Variants in SCN9A observed in about 807,000 individuals in gnomAD.
SCN9A encodes sodium voltage-gated channel alpha subunit 9, also known as sodium channel protein type 9 subunit alpha.
A neutral mutation model predicts 187.0 loss-of-function variants in SCN9A; 131 were observed. The ratio of observed to expected loss-of-function variants is 0.70; its 90% CI spans 0.61 to 0.81. SCN9A has a LOEUF of 0.81. SCN9A is among the 30% of genes least tolerant of loss of function. The pLI, the probability that SCN9A is intolerant of heterozygous loss-of-function variation, is 0.00. For missense variants in SCN9A, 2,252 were observed against 2,396.6 expected (o/e 0.94, Z 1.26); for synonymous variants, 809 against 808.6 (o/e 1.00, Z -0.01).
chr2:166,249,301 C>A (rs956116281), intron 18 of SCN9A: 1 of 152,110 alleles, frequency 6.6e-6, no homozygotes. Flanking sequence ...CCTGCTACAT[C>A]TTGATATGTT....
chr2:166,315,748 A>G (rs1201767159), intron 1 of SCN9A, among the ~76,000 whole-genome samples: 4 of 152,208 alleles, frequency 2.6e-5, no homozygotes, highest in Non-Finnish European at 5.9e-5. Context: ...AGAGGGCAAC[A>G]TAAGTAAAAA....
At chr2:166,369,012 T>C (rs1700488289) in intron 1 of SCN9A, among the ~76,000 whole-genome samples, 1 of 152,020 alleles carries the variant, frequency 6.6e-6, no homozygotes, top group South Asian at 2.1e-4. Context: ...GAATGCATTT[T>C]GATTATAATA....
At chr2:166,219,009 C>G (rs1162409490) in intron 24 of SCN9A, among the ~76,000 whole-genome samples, 1 of 152,104 alleles carries the variant, frequency 6.6e-6, no homozygotes, top group Non-Finnish European at 1.5e-5. Context: ...ATCAAAACCA[C>G]AATGAGATAC....
intron 10 of SCN9A, among the ~76,000 whole-genome samples, chr2:166,288,069 A>T (rs184464253): frequency 1.0e-3 from 146 of 144,430 alleles, no homozygotes; most frequent in Non-Finnish European, 1.7e-3. Flanking sequence ...ATAATAATTT[A>T]AAAAAACACA....
chr2:166,312,392 A>G (rs1698988521), intron 1 of SCN9A, among the ~76,000 whole-genome samples: 2 of 152,134 alleles, frequency 1.3e-5, no homozygotes, highest in Admixed American at 1.3e-4. Context: ...CTTAATTCTA[A>G]TTCTCTTGCT....
chr2:166,315,883 TAGTC>T (rs1189138141), intron 1 of SCN9A, among the ~76,000 whole-genome samples: 1 of 152,218 alleles, frequency 6.6e-6, no homozygotes, highest in Non-Finnish European at 1.5e-5. Flanking sequence ...GAGTTTTCAT[TAGTC>T]AGGCATTTAG....
chr2:166,366,762 A>G (rs1700426963), intron 1 of SCN9A, among the ~76,000 whole-genome samples: 1 of 152,180 alleles, frequency 6.6e-6, no homozygotes, highest in Non-Finnish European at 1.5e-5. Flanking sequence ...CCAATCCACA[A>G]ATCACTAAAA....
At chr2:166,251,973 T>C (rs1278631096) in intron 17 of SCN9A, 88 bp from the exon 18 acceptor site, 1 of 1,435,780 alleles carries the variant, frequency 7.0e-7, no homozygotes, top group Non-Finnish European at 9.6e-7. Context: ...ATCAGACTCA[T>C]GCAAAGTATT....
chr2:166,293,145 TAAAA>T (rs1224217100), intron 9 of SCN9A, 82 bp downstream of exon 9: 2 of 1,253,392 alleles, frequency 1.6e-6, no homozygotes. Flanking sequence ...CTCAAATAAA[TAAAA>T]AACCTCCTAA....
intron 1 of SCN9A, among the ~76,000 whole-genome samples, chr2:166,357,345 T>C (rs752191138): frequency 9.9e-5 from 15 of 152,220 alleles, no homozygotes; most frequent in Non-Finnish European, 2.1e-4. Context: ...TTACCTAGTG[T>C]AACGCCTACA....
intron 24 of SCN9A, among the ~76,000 whole-genome samples, chr2:166,213,038 TATCTC>T (rs1481601589): frequency 1.3e-5 from 2 of 151,900 alleles, no homozygotes; most frequent in African/African-American, 2.4e-5. Context: ...TAAAAAGAAA[TATCTC>T]ATATAAACAA....
At chr2:166,340,644 A>G (rs1242440071) in intron 1 of SCN9A, among the ~76,000 whole-genome samples, 1 of 113,450 alleles carries the variant, frequency 8.8e-6, no homozygotes, top group Non-Finnish European at 1.9e-5. Context: ...CTTTTTTGAT[A>G]GTGTATTTCT....
At chr2:166,282,535 A>C (rs1214562297) in intron 12 of SCN9A, among the ~76,000 whole-genome samples, 2 of 152,154 alleles carry the variant, frequency 1.3e-5, no homozygotes, top group Non-Finnish European at 2.9e-5. Flanking sequence ...TTCAAATTTA[A>C]AACACTATGT....
Position 166,214,577 on chromosome 2 carries a change from C to T in SCN9A, c.4399-10113G>A, listed in dbSNP as rs1020976024. Among the ~76,000 whole-genome samples the T allele has an allele frequency of 1.9e-3, 224 of 115,850 alleles. 1 individual carries two copies. The highest frequency in any genetic ancestry group is 7.7e-3 in the African/African-American group (216 of 27,964). The allele number at this position is 115,850 out of a possible 152,430, so 76.0% of individuals were successfully genotyped here. ...TCGCCCAGGCTGGAGTGCAGTGGCG[C>T]AATCTCGGCTCACTGCAAGCTCCGC... On this transcript the variant is annotated intron_variant, in intron 24 of 26. Coordinates refer to ENST00000642356, the MANE Select transcript of SCN9A (RefSeq NM_001365536.1).
rs1289254756 is a variant in SCN9A, at chr2:166,303,215, AAC to A, written c.774_775del (p.Phe259CysfsTer15). Reference sequence around the variant, plus strand: ...GAACAGCTGTAGTCCAATTAGTGCAAACACACTCAGACAGAACACAGTCAGGA... The same window carrying A: ...GAACAGCTGTAGTCCAATTAGTGCAAACACTCAGACAGAACACAGTCAGGA... On this transcript the variant is annotated frameshift_variant, in exon 7 of 27. Transcript: ENST00000642356. LOFTEE classifies it high-confidence loss of function. 1.9e-6 allele frequency: 3 copies of A among 1,613,742 alleles called. No homozygotes were observed. The highest frequency in any genetic ancestry group is 1.3e-5 in the African/African-American group (1 of 75,020).
In SCN9A at chr2:166,228,825, G is replaced by A. The variant is rs1463389142; in HGVS notation, c.4072C>T (p.Arg1358Trp). The A allele has an allele frequency of 6.2e-7, 1 of 1,613,898 alleles. No individual in the cohort carries two copies. Among genetic ancestry groups the A allele is most frequent in the Admixed American group, 1.7e-5 (1 of 60,012 alleles). ...TTTGGAACTTGACTTGCAGGAAACC[G>A]TGACCCATCTGTGGTGTTAATACAC... ...YECINTTDGS[R>W]FPASQVPNRS... Residue 1358 changes from arginine to tryptophan, a missense_variant, in exon 22 of 27, where the codon CGG becomes TGG. This residue lies in a region of SCN9A where 368 missense variants were observed against 408.6 expected (regional missense o/e 0.90). Coordinates refer to ENST00000642356, the MANE Select transcript of SCN9A (RefSeq NM_001365536.1).
chr2:166,333,647 T>A lies in SCN9A; in HGVS notation c.-50-21841A>T, dbSNP rs140492487. Among the ~76,000 whole-genome samples, 631 of 152,122 alleles carry A rather than the reference T, an allele frequency of 4.1e-3. 6 individuals are homozygous for A. The highest frequency in any genetic ancestry group is 0.015 in the African/African-American group (602 of 41,510). The stretch of plus-strand genomic sequence containing the variant: ...TTTCATGACATAACTTGTTTTTTTT[T>A]ATTTTTCAGGATTAGATTGCATATT... On this transcript the variant is annotated intron_variant, in intron 1 of 26. Transcript: ENST00000642356.
In SCN9A at chr2:166,367,956, A is replaced by G. The variant is rs1032451265; in HGVS notation, c.-51+7741T>C. On this transcript the variant is annotated intron_variant, in intron 1 of 26. Coordinates refer to ENST00000642356, the MANE Select transcript of SCN9A (RefSeq NM_001365536.1). ...GTAATTACATGATTTAGTATGTTTG[A>G]TTGCAAATGTAATTTTATTTTAGCT... Among the ~76,000 whole-genome samples, 3 of 152,282 alleles carry G rather than the reference A, an allele frequency of 2.0e-5. No homozygotes were observed. The East Asian group carries it at 5.8e-4, about 29-fold the overall frequency.
intron 1 of SCN9A, among the ~76,000 whole-genome samples, chr2:166,365,026 G>A (rs1178668837): frequency 6.6e-6 from 1 of 151,938 alleles, no homozygotes; most frequent in African/African-American, 2.4e-5. Flanking sequence ...TATTTCATGA[G>A]AAATAATCAT....
Sources: allele counts gnomAD v4.1 joint callset (sites outside exome capture counted in the v4.1 genomes callset), GRCh38; gene constraint gnomAD v4.1.1; regional missense constraint gnomAD v4.1.1; transcripts MANE v1.5; gene names NCBI Gene and HGNC (gene_info 2026-07-23, HGNC 2026-07-21).